Variants in NDUFAF6 observed in about 807,000 individuals in gnomAD.
NDUFAF6 encodes NADH dehydrogenase (ubiquinone) complex I, assembly factor 6.
NDUFAF6 carries 45 observed loss-of-function variants against 40.8 expected under a neutral mutation model. That is an observed-to-expected ratio of 1.10 (90% CI 0.87 to 1.42). The LOEUF is 1.42. Among genes scored for constraint, NDUFAF6 ranks in the 40% most tolerant of loss-of-function variants. NDUFAF6 has a pLI of 0.00. For synonymous variants in NDUFAF6, 185 were observed against 155.9 expected, an observed-to-expected ratio of 1.19 and a Z score of -1.39; for missense variants, 435 against 418.5, an observed-to-expected ratio of 1.04 and a Z score of -0.34.
intron 1 of NDUFAF6, among the ~76,000 whole-genome samples, chr8:94,975,607 T>C (rs1167061803): frequency 6.6e-6 from 1 of 152,040 alleles, no homozygotes. Flanking sequence ...GGGTCTAGGA[T>C]TGGGTTAGAG....
At chr8:95,057,683 A>T in intron 8 of NDUFAF6, 126 bp from the exon 9 acceptor site, 2 of 746,766 alleles carry the variant, frequency 2.7e-6, no homozygotes, top group Non-Finnish European at 4.4e-6. Flanking sequence ...ATTCTCACTT[A>T]AATAGAAAAC....
chr8:95,021,839 A>C (rs999770317), upstream of NDUFAF6, among the ~76,000 whole-genome samples: 1 of 152,194 alleles, frequency 6.6e-6, no homozygotes, highest in Non-Finnish European at 1.5e-5. Context: ...CTTGATTTGT[A>C]GCCAAGTCAA....
chr8:94,965,551 G>A (rs953576155), intron 1 of NDUFAF6, among the ~76,000 whole-genome samples: 1 of 152,214 alleles, frequency 6.6e-6, no homozygotes, highest in African/African-American at 2.4e-5. Context: ...AGAGGCTGTG[G>A]TTGGCCATAG....
At chr8:94,992,023 T>G (rs574105164) in intron 2 of NDUFAF6, among the ~76,000 whole-genome samples, 1 of 152,344 alleles carries the variant, frequency 6.6e-6, no homozygotes, top group African/African-American at 2.4e-5. Context: ...TTTATTAACA[T>G]AAAATTTATT....
intron 9 of NDUFAF6, among the ~76,000 whole-genome samples, chr8:95,073,628 A>T (rs1832945886): frequency 6.6e-6 from 1 of 151,648 alleles, no homozygotes; most frequent in Non-Finnish European, 1.5e-5. Flanking sequence ...TCATTCTAAC[A>T]CCTTCACTGG....
chr8:94,965,824 G>C (rs1351535648), intron 1 of NDUFAF6, among the ~76,000 whole-genome samples: 8 of 152,236 alleles, frequency 5.3e-5, no homozygotes, highest in African/African-American at 1.9e-4. Context: ...TGGGGTAGGA[G>C]AGAACTCAAT....
At chr8:94,918,550 G>A (rs1819288002) in intron 1 of NDUFAF6, among the ~76,000 whole-genome samples, 2 of 152,146 alleles carry the variant, frequency 1.3e-5, no homozygotes, top group Admixed American at 1.3e-4. Context: ...TCTATGTTAT[G>A]ACATAGTCTT....
At chr8:95,099,140 T>C (rs1809572416), upstream of NDUFAF6, among the ~76,000 whole-genome samples, 1 of 151,984 alleles carries the variant, frequency 6.6e-6, no homozygotes, top group African/African-American at 2.4e-5. Flanking sequence ...ATCTGGAGGC[T>C]GAGGTGGGAA....
At chr8:94,941,204 C>G (rs575388609) in intron 1 of NDUFAF6, 34 of 316,418 alleles carry the variant, frequency 1.1e-4, no homozygotes, top group Non-Finnish European at 1.8e-4. Context: ...GGCCTACATT[C>G]TACAGCTATT....
downstream of NDUFAF6, among the ~76,000 whole-genome samples, chr8:95,077,716 G>T (rs1359940831): frequency 6.6e-6 from 1 of 152,246 alleles, no homozygotes; most frequent in Non-Finnish European, 1.5e-5. Flanking sequence ...AGTTGTGGGA[G>T]ACGAGGAGTA....
chr8:95,066,460 C>A (rs988540840), intron 9 of NDUFAF6, among the ~76,000 whole-genome samples: 10 of 151,818 alleles, frequency 6.6e-5, no homozygotes, highest in African/African-American at 1.2e-4. Context: ...AAAAAAAGTT[C>A]TCCTAAAACC....
intron 9 of NDUFAF6, among the ~76,000 whole-genome samples, chr8:95,071,254 C>T (rs1055330079): frequency 9.3e-5 from 14 of 150,814 alleles, no homozygotes; most frequent in Non-Finnish European, 2.1e-4. Flanking sequence ...AAAAATTAGC[C>T]GGGCATTGTG....
intron 2 of NDUFAF6, among the ~76,000 whole-genome samples, chr8:95,095,183 G>A (rs915375482): frequency 6.6e-6 from 1 of 152,154 alleles, no homozygotes; most frequent in Admixed American, 6.5e-5. Context: ...TTGACCCATG[G>A]TTGTAGAGGA....
downstream of NDUFAF6, among the ~76,000 whole-genome samples, chr8:95,077,099 A>G (rs1426801331): frequency 6.6e-6 from 1 of 152,208 alleles, no homozygotes; most frequent in Non-Finnish European, 1.5e-5. Flanking sequence ...ATGGCCATCT[A>G]TAAGCCAAGG....
chr8:95,045,491 C>T, intron 4 of NDUFAF6, 54 bp from the exon 5 acceptor site: 1 of 1,337,270 alleles, frequency 7.5e-7, no homozygotes, highest in Non-Finnish European at 1.1e-6. Context: ...AGCACCTTTT[C>T]TTTCTAAAAT....
At chr8:95,029,807 A>G (rs1045764588) in intron 1 of NDUFAF6, among the ~76,000 whole-genome samples, 3 of 152,198 alleles carry the variant, frequency 2.0e-5, no homozygotes, top group African/African-American at 7.2e-5. Flanking sequence ...TTCTCTCCAT[A>G]TCATATCAGG....
intron 2 of NDUFAF6, among the ~76,000 whole-genome samples, chr8:95,015,454 T>C (rs1827401924): frequency 6.6e-6 from 1 of 152,212 alleles, no homozygotes. Context: ...GATACATAAA[T>C]ACATTTGTTT....
rs148511128 is a variant in NDUFAF6, at chr8:95,056,411, C to T, written c.874-1398C>T. On this transcript the variant is annotated intron_variant, in intron 8 of 8. Coordinates refer to ENST00000396124, the MANE Select transcript of NDUFAF6 (RefSeq NM_152416.4). ...GTATTTTTTGAGAGATGGGGTTTTGCCGTGATGCCCAGGCTAGTCTTGAAC... is the reference window on the plus strand; with the variant it reads ...GTATTTTTTGAGAGATGGGGTTTTGTCGTGATGCCCAGGCTAGTCTTGAAC... Among the ~76,000 whole-genome samples the T allele has an allele frequency of 5.4e-4, 82 of 151,988 alleles. 1 individual carries two copies. Among genetic ancestry groups the T allele is most frequent in the Non-Finnish European group, 8.5e-4 (58 of 67,962 alleles).
chr8:94,912,744 C>T (rs1374858446), intron 1 of NDUFAF6, among the ~76,000 whole-genome samples: 3 of 146,570 alleles, frequency 2.0e-5, no homozygotes, highest in South Asian at 2.2e-4. Context: ...ACCCGGGAGG[C>T]GGAGCTTGCA....
Sources: gnomAD v4.1 joint callset for allele counts (sites outside exome capture counted in the v4.1 genomes callset) on GRCh38, gnomAD v4.1.1 for gene constraint, MANE v1.5 for transcripts, NCBI Gene and HGNC (gene_info 2026-07-23, HGNC 2026-07-21) for gene names.